The following DRC9 variants were observed in gnomAD, a reference collection of about 807,000 sequenced individuals.
DRC9 encodes the protein dynein regulatory complex protein 9.
chr3:197,951,066 G>A, the DRC9 span: 2 of 1,602,168 alleles, frequency 1.2e-6, no homozygotes, highest in Non-Finnish European at 1.7e-6. Flanking sequence ...AAACTTAGAT[G>A]TTTGCTCTGA....
the DRC9 span, chr3:197,938,484 G>A: frequency 1.7e-6 from 2 of 1,174,164 alleles, no homozygotes; most frequent in Admixed American, 3.4e-5. Context: ...CAGCCACCTG[G>A]GCGCCCCTTC....
chr3:197,935,093 C>T, the DRC9 span, among the ~76,000 whole-genome samples: 2 of 152,100 alleles, frequency 1.3e-5, no homozygotes, highest in Non-Finnish European at 2.9e-5. Flanking sequence ...TAGAGAATAG[C>T]CAGTTTTAGC....
chr3:197,928,992 C>T, the DRC9 span, among the ~76,000 whole-genome samples: 1 of 152,148 alleles, frequency 6.6e-6, no homozygotes, highest in Non-Finnish European at 1.5e-5. Flanking sequence ...TTCCCCAGCC[C>T]TGTGGCCAGG....
At chr3:197,912,833 G>A in the DRC9 span, 2 of 1,076,864 alleles carry the variant, frequency 1.9e-6, no homozygotes, top group South Asian at 1.3e-5. Flanking sequence ...CAGCTCGGTC[G>A]GTAGCTGAGG....
chr3:197,937,995 A>T, the DRC9 span, among the ~76,000 whole-genome samples: 5 of 152,232 alleles, frequency 3.3e-5, no homozygotes, highest in Admixed American at 6.5e-5. Flanking sequence ...AAAAAAATTT[A>T]AAAAATAAAT....
the DRC9 span, among the ~76,000 whole-genome samples, chr3:197,921,054 A>G: frequency 0.2 from 25,498 of 125,454 alleles, 4,111 homozygotes; most frequent in African/African-American, 0.38. Flanking sequence ...ACCTGATTTC[A>G]TCTTGGTCGA....
At chr3:197,908,714 G>C in the DRC9 span, among the ~76,000 whole-genome samples, 2 of 148,724 alleles carry the variant, frequency 1.3e-5, no homozygotes, top group African/African-American at 5.0e-5. Context: ...ACTGTACCAG[G>C]TCTGAAGAGC....
chr3:197,942,641 G>T, the DRC9 span, among the ~76,000 whole-genome samples: 1 of 151,888 alleles, frequency 6.6e-6, no homozygotes, highest in Non-Finnish European at 1.5e-5. Context: ...TTCTGGGCTG[G>T]GTGTGGTGGC....
the DRC9 span, chr3:197,953,645 C>A: frequency 6.8e-6 from 3 of 440,694 alleles, no homozygotes; most frequent in South Asian, 4.9e-5. Context: ...CCTTCCTTGG[C>A]TATTTAAAAT....
At chr3:197,926,141 T>C in the DRC9 span, 1 of 1,234,268 alleles carries the variant, frequency 8.1e-7, no homozygotes, top group East Asian at 2.3e-5. Flanking sequence ...TTTAGAGCAG[T>C]GCTTCTCAAA....
the DRC9 span, among the ~76,000 whole-genome samples, chr3:197,927,785 G>T: frequency 6.6e-6 from 1 of 152,108 alleles, no homozygotes; most frequent in Non-Finnish European, 1.5e-5. Flanking sequence ...CCATAAAAAA[G>T]GATGAGTTCA....
At chr3:197,960,068 G>C in the DRC9 span, 1 of 636,846 alleles carries the variant, frequency 1.6e-6, no homozygotes. Flanking sequence ...GCCACGAGAC[G>C]CGATGGACGT....
chr3:197,911,382 A>G, the DRC9 span, among the ~76,000 whole-genome samples: 1 of 152,208 alleles, frequency 6.6e-6, no homozygotes, highest in African/African-American at 2.4e-5. Flanking sequence ...CTTTTAGTAA[A>G]TAGTTGCCAT....
the DRC9 span, among the ~76,000 whole-genome samples, chr3:197,939,954 A>C: frequency 6.6e-6 from 1 of 152,174 alleles, no homozygotes; most frequent in Non-Finnish European, 1.5e-5. Context: ...AATTTTTAGA[A>C]TAGAATTAAA....
At chr3:197,901,234 G>A in the DRC9 span, among the ~76,000 whole-genome samples, 1 of 152,160 alleles carries the variant, frequency 6.6e-6, no homozygotes, top group African/African-American at 2.4e-5. The surrounding 1 kb of genome is among the most constrained non-coding windows in gnomAD (Gnocchi z 4.4). Flanking sequence ...CACCTCTGGG[G>A]TTCAAGCGAG....
the DRC9 span, chr3:197,951,123 G>C: frequency 6.2e-7 from 1 of 1,613,818 alleles, no homozygotes; most frequent in Admixed American, 1.7e-5. Context: ...GTTTTTTGAA[G>C]CTTATGTTTC....
chr3:197,913,008 C>G, the DRC9 span: 1 of 426,530 alleles, frequency 2.3e-6, no homozygotes, highest in Non-Finnish European at 4.3e-6. Flanking sequence ...ACAGAAACGG[C>G]GCTCCAAGGG....
chr3:197,946,251 C>T, the DRC9 span, among the ~76,000 whole-genome samples: 64 of 151,406 alleles, frequency 4.2e-4, no homozygotes, highest in African/African-American at 1.5e-3. Flanking sequence ...CTGGCTAACA[C>T]GGTGAAACCC....
chr3:197,907,110 G>T, the DRC9 span, among the ~76,000 whole-genome samples: 1 of 152,142 alleles, frequency 6.6e-6, no homozygotes. Context: ...ATACCAGGAA[G>T]CTCATCTCAA....
Sources: gnomAD v4.1 joint callset for allele counts (sites outside exome capture counted in the v4.1 genomes callset) on GRCh38, gnomAD v4.1.1 for gene constraint, Gnocchi (gnomAD v3.1) non-coding constraint, MANE v1.5 for transcripts, NCBI Gene and HGNC (gene_info 2026-07-23, HGNC 2026-07-21) for gene names.